GLIS3: variants seen among roughly 807,000 people sequenced by gnomAD.
GLIS3 encodes zinc finger protein GLIS3.
GLIS3 carries 53 observed loss-of-function variants against 78.6 expected under a neutral mutation model. The observed-to-expected ratio is 0.67, with a 90% CI of 0.54 to 0.85. The LOEUF (loss-of-function observed/expected upper bound fraction) is 0.85. Ranked by LOEUF, GLIS3 falls within the 40% of genes least tolerant of loss-of-function variation. GLIS3 has a pLI of 0.00. For missense variants in GLIS3, 1,703 were observed against 1,231.1 expected (o/e 1.38, Z -5.74); for synonymous variants, 684 against 509.9 (o/e 1.34, Z -4.60).
At chr9:3,922,227 T>C (rs372293032) in intron 6 of GLIS3, among the ~76,000 whole-genome samples, 8 of 152,164 alleles carry the variant, frequency 5.3e-5, no homozygotes, top group Non-Finnish European at 7.4e-5. Flanking sequence ...TCATTAAAAA[T>C]ATAGTTACTG....
chr9:4,461,467 G>T, the GLIS3 span, among the ~76,000 whole-genome samples: 1 of 152,120 alleles, frequency 6.6e-6, no homozygotes, highest in African/African-American at 2.4e-5. Flanking sequence ...TTATGGGATA[G>T]ATTTCTCACA....
intron 2 of GLIS3, among the ~76,000 whole-genome samples, chr9:4,201,171 A>T (rs535516280): frequency 1.3e-5 from 2 of 152,306 alleles, no homozygotes; most frequent in Admixed American, 6.5e-5. Flanking sequence ...ACTAGGCATC[A>T]AAGGAACATA....
chr9:3,926,234 T>C (rs924402579), intron 6 of GLIS3, among the ~76,000 whole-genome samples: 1 of 47,652 alleles, frequency 2.1e-5, no homozygotes, highest in African/African-American at 6.6e-5. Context: ...TTTTCTTTTG[T>C]TTTTTTTTTT....
chr9:4,211,502 G>A (rs897383960), intron 2 of GLIS3, among the ~76,000 whole-genome samples: 6 of 152,222 alleles, frequency 3.9e-5, no homozygotes, highest in Non-Finnish European at 7.3e-5. Context: ...AACACCAGAC[G>A]GAGGGATGAA....
At chr9:3,987,426 G>A (rs184206318) in intron 4 of GLIS3, among the ~76,000 whole-genome samples, 1 of 152,076 alleles carries the variant, frequency 6.6e-6, no homozygotes, top group African/African-American at 2.4e-5. Context: ...AATGGGCTGG[G>A]TGCAGTGATT....
intron 4 of GLIS3, among the ~76,000 whole-genome samples, chr9:4,110,447 G>T (rs925595110): frequency 6.6e-6 from 1 of 152,058 alleles, no homozygotes; most frequent in African/African-American, 2.4e-5. Flanking sequence ...CCTTCTAACA[G>T]ATTAACCATT....
chr9:4,135,974 T>A (rs1346028743), intron 2 of GLIS3, among the ~76,000 whole-genome samples: 1 of 152,218 alleles, frequency 6.6e-6, no homozygotes, highest in Non-Finnish European at 1.5e-5. Flanking sequence ...TGAACATATG[T>A]GACTGTATGG....
At chr9:4,224,514 A>G (rs1298644847) in intron 2 of GLIS3, among the ~76,000 whole-genome samples, 1 of 152,046 alleles carries the variant, frequency 6.6e-6, no homozygotes, top group African/African-American at 2.4e-5. Flanking sequence ...GTGCTTCACT[A>G]TTTAACCTTA....
chr9:4,054,739 A>G (rs1826006603), intron 4 of GLIS3, among the ~76,000 whole-genome samples: 1 of 151,558 alleles, frequency 6.6e-6, no homozygotes, highest in African/African-American at 2.4e-5. Flanking sequence ...TCCAGAGTGG[A>G]TTTTTTTTTG....
chr9:4,291,786 T>C (rs1816004245), intron 1 of GLIS3, among the ~76,000 whole-genome samples: 2 of 152,258 alleles, frequency 1.3e-5, no homozygotes, highest in African/African-American at 4.8e-5. Flanking sequence ...TCGAGGGCAA[T>C]ATTAAAAGTT....
the GLIS3 span, among the ~76,000 whole-genome samples, chr9:4,455,601 T>C: frequency 2.0e-5 from 3 of 152,162 alleles, no homozygotes; most frequent in Non-Finnish European, 2.9e-5. Flanking sequence ...TTGTAGGATT[T>C]CTCCAGTCGC....
chr9:3,935,937 G>A (rs917183851), intron 5 of GLIS3, among the ~76,000 whole-genome samples: 1 of 152,182 alleles, frequency 6.6e-6, no homozygotes, highest in Admixed American at 6.5e-5. Flanking sequence ...GAAAGGTTAT[G>A]TGACATATAG....
In GLIS3 at chr9:3,824,937, AAT is replaced by A; in HGVS notation, c.*3333_*3334del. The A allele has an allele frequency of 9.5e-4, 11 of 11,588 alleles. No homozygotes were observed. Among genetic ancestry groups the A allele is most frequent in the Non-Finnish European group, 2.5e-3 (8 of 3,204 alleles). 0.7% of individuals were successfully genotyped at this position (11,588 alleles called of 1,614,324 possible). ...ATCTGTTGCAAAAAAAAAAAAAAAT[AAT>A]AACCGCAGAAATTCCACACCACTAA... is the stretch of plus-strand genomic sequence containing the variant. On this transcript the variant is annotated 3_prime_UTR_variant, in exon 11 of 11. Transcript: ENST00000381971.
intron 2 of GLIS3, among the ~76,000 whole-genome samples, chr9:4,144,075 AGG>A (rs780225030): frequency 1.4e-4 from 21 of 152,294 alleles, no homozygotes; most frequent in Admixed American, 9.2e-4. Flanking sequence ...GTGGGACGAC[AGG>A]GCAAGTGGGA....
At chr9:4,206,044 A>G (rs1819850760) in intron 2 of GLIS3, among the ~76,000 whole-genome samples, 1 of 152,198 alleles carries the variant, frequency 6.6e-6, no homozygotes. Flanking sequence ...GAACTGATCT[A>G]GAAGAGAAGA....
At chr9:3,935,030 C>T (rs888287621) in intron 5 of GLIS3, among the ~76,000 whole-genome samples, 7 of 152,106 alleles carry the variant, frequency 4.6e-5, no homozygotes, top group African/African-American at 1.7e-4. Flanking sequence ...GAATTAGGAA[C>T]TCAGTAATGT....
intron 2 of GLIS3, among the ~76,000 whole-genome samples, chr9:4,191,785 C>A (rs1586930260): frequency 6.6e-6 from 1 of 152,180 alleles, no homozygotes; most frequent in East Asian, 1.9e-4. Context: ...CTGGTACCTA[C>A]CTGTTCCTGT....
At chr9:3,911,557 TACA>T (rs1379327640) in intron 6 of GLIS3, among the ~76,000 whole-genome samples, 10 of 152,298 alleles carry the variant, frequency 6.6e-5, no homozygotes, top group Admixed American at 6.5e-4. Context: ...TGAATTACAC[TACA>T]ACATTAGTAA....
Position 4,118,882 on chromosome 9 carries a change from C to G in GLIS3, c.597-1G>C. The G allele has an allele frequency of 6.2e-7, 1 of 1,600,820 alleles. No individual in the cohort carries two copies. Among genetic ancestry groups the G allele is most frequent in the Non-Finnish European group, 8.5e-7 (1 of 1,179,880 alleles). On this transcript the variant is annotated splice_acceptor_variant, in intron 3 of 10. Transcript: ENST00000381971. LOFTEE classifies it high-confidence loss of function. This position sits in a 1 kb window ranked among gnomAD's most constrained non-coding sequence, Gnocchi z 4.7. ...CAAAGACTCACGCGAAATAAGGGAC[C>G]TGGAACAGCAGCCAGAAAGGAAGAA... is the stretch of plus-strand genomic sequence containing the variant.
Sources: gnomAD v4.1 joint callset for allele counts (sites outside exome capture counted in the v4.1 genomes callset) on GRCh38, gnomAD v4.1.1 for gene constraint, Gnocchi (gnomAD v3.1) non-coding constraint, MANE v1.5 for transcripts, NCBI Gene and HGNC (gene_info 2026-07-23, HGNC 2026-07-21) for gene names.